Variants in NRXN1 observed in about 807,000 individuals in gnomAD.
NRXN1 encodes the protein neurexin-1.
NRXN1 carries 39 observed loss-of-function variants against 150.9 expected under a neutral mutation model. The ratio of observed to expected loss-of-function variants is 0.26; its 90% CI spans 0.20 to 0.34. NRXN1 has a LOEUF of 0.34. Ranked by LOEUF, NRXN1 falls within the 10% of genes least tolerant of loss-of-function variation. The pLI is 1.00. For synonymous variants in NRXN1, 924 were observed against 757.0 expected, an observed-to-expected ratio of 1.22 and a Z score of -3.62; for missense variants, 1,815 against 1,949.9, an observed-to-expected ratio of 0.93 and a Z score of 1.30.
chr2:50,819,286 C>G (rs1013996923), intron 5 of NRXN1, among the ~76,000 whole-genome samples: 3 of 152,114 alleles, frequency 2.0e-5, no homozygotes, highest in African/African-American at 7.2e-5. Context: ...AACCTGTGTC[C>G]ATTGACAGAT....
chr2:50,984,273 C>G (rs535917193), intron 2 of NRXN1, among the ~76,000 whole-genome samples: 7 of 151,148 alleles, frequency 4.6e-5, no homozygotes, highest in Non-Finnish European at 1.0e-4. Context: ...GCATGAGCCA[C>G]CAGAGTGTTC....
At chr2:50,086,398 A>C (rs1199528210) in intron 19 of NRXN1, among the ~76,000 whole-genome samples, 2 of 152,116 alleles carry the variant, frequency 1.3e-5, no homozygotes, top group Non-Finnish European at 2.9e-5. Context: ...TAAGGTTTAG[A>C]TCTAATACTC....
At chr2:50,735,944 T>C (rs1192633627) in intron 5 of NRXN1, among the ~76,000 whole-genome samples, 1 of 152,174 alleles carries the variant, frequency 6.6e-6, no homozygotes, top group East Asian at 1.9e-4. Flanking sequence ...TCTCAGACAT[T>C]CACTCCAAAA....
At chr2:50,656,394 T>G (rs1559082938) in intron 5 of NRXN1, 2 of 776,868 alleles carry the variant, frequency 2.6e-6, no homozygotes, top group Non-Finnish European at 4.8e-6. Flanking sequence ...GTCATGAAAG[T>G]GGTCTGAAGA....
At chr2:50,114,597 T>C (rs982517837) in intron 18 of NRXN1, among the ~76,000 whole-genome samples, 2 of 152,112 alleles carry the variant, frequency 1.3e-5, no homozygotes, top group African/African-American at 2.4e-5. Flanking sequence ...CCAAAACTTA[T>C]AGGCAACCAA....
intron 17 of NRXN1, among the ~76,000 whole-genome samples, chr2:50,431,215 T>G (rs2104369975): frequency 6.6e-6 from 1 of 152,278 alleles, no homozygotes; most frequent in South Asian, 2.1e-4. Flanking sequence ...AAGCCAGCAA[T>G]TTTTCCCAGT....
chr2:50,004,905 C>CT (rs1324533993), intron 21 of NRXN1, among the ~76,000 whole-genome samples: 1 of 152,080 alleles, frequency 6.6e-6, no homozygotes, highest in Non-Finnish European at 1.5e-5. Context: ...CATCTCATTG[C>CT]TAAAACTCTG....
intron 5 of NRXN1, among the ~76,000 whole-genome samples, chr2:50,720,792 C>T (rs1157943098): frequency 2.0e-5 from 3 of 152,116 alleles, no homozygotes; most frequent in African/African-American, 7.2e-5. Context: ...GAAAAATGCA[C>T]GGAAAGCTCC....
chr2:50,517,846 C>T (rs2092673720), intron 12 of NRXN1, among the ~76,000 whole-genome samples: 1 of 152,234 alleles, frequency 6.6e-6, no homozygotes, highest in Middle Eastern at 3.4e-3. Context: ...GAAACACCCT[C>T]CAGAGACTTT....
chr2:50,472,503 G>C, intron 15 of NRXN1, 32 bp from the exon 16 acceptor site: 10 of 1,580,238 alleles, frequency 6.3e-6, no homozygotes, highest in Non-Finnish European at 8.7e-6. Context: ...TGTTACAAAA[G>C]TACCATGTCA....
chr2:49,950,965 A>G (rs1673847051), intron 21 of NRXN1, among the ~76,000 whole-genome samples: 1 of 151,970 alleles, frequency 6.6e-6, no homozygotes, highest in Admixed American at 6.6e-5. Context: ...AAAAAGGCAG[A>G]CTTGAAAGCC....
rs113111869 is a variant in NRXN1 at position 50,967,257 on chromosome 2, A to C, written c.773-41302T>G. Among the ~76,000 whole-genome samples, 277 of 152,112 alleles carry C rather than the reference A, an allele frequency of 1.8e-3. 4 individuals are homozygous for C. Among genetic ancestry groups the C allele is most frequent in the African/African-American group, 6.5e-3 (269 of 41,546 alleles). On this transcript the variant is annotated intron_variant, in intron 2 of 22. Coordinates refer to ENST00000401669, the MANE Select transcript of NRXN1 (RefSeq NM_001330078.2). ...CACTTACATTTGAACTTAAAAGACA[A>C]TATAGATTTATATGAATTCTTTTAT...
intron 17 of NRXN1, among the ~76,000 whole-genome samples, chr2:50,376,573 A>T (rs953991023): frequency 6.6e-6 from 1 of 152,134 alleles, no homozygotes; most frequent in Admixed American, 6.6e-5. Context: ...TGTTGCTCAG[A>T]AAGGTATGAG....
intron 18 of NRXN1, among the ~76,000 whole-genome samples, chr2:50,137,755 G>A (rs553262780): frequency 4.6e-5 from 7 of 152,266 alleles, no homozygotes; most frequent in Admixed American, 4.6e-4. Flanking sequence ...GGAAGTAAAA[G>A]ATATGGTAGG....
At chr2:50,319,655 A>G (rs2152972539) in intron 17 of NRXN1, among the ~76,000 whole-genome samples, 1 of 152,178 alleles carries the variant, frequency 6.6e-6, no homozygotes. Flanking sequence ...CTGTGTGGAG[A>G]AAACTATCAG....
intron 5 of NRXN1, among the ~76,000 whole-genome samples, chr2:50,846,240 A>G (rs1340554379): frequency 6.6e-6 from 1 of 152,168 alleles, no homozygotes; most frequent in Admixed American, 6.5e-5. Context: ...AGTAAAACAT[A>G]CATGGTCTTA....
chr2:50,256,310 G>T (rs2067695521), intron 17 of NRXN1, among the ~76,000 whole-genome samples: 1 of 152,060 alleles, frequency 6.6e-6, no homozygotes, highest in Non-Finnish European at 1.5e-5. Context: ...AACATATTTA[G>T]CATTAGAACA....
chr2:50,002,828 A>C (rs1684165957), intron 21 of NRXN1, among the ~76,000 whole-genome samples: 1 of 152,102 alleles, frequency 6.6e-6, no homozygotes, highest in Non-Finnish European at 1.5e-5. Context: ...TCTTCTGTTG[A>C]CCTGAAAGTG....
At chr2:49,971,250 A>G (rs1050518088) in intron 21 of NRXN1, among the ~76,000 whole-genome samples, 8 of 152,144 alleles carry the variant, frequency 5.3e-5, no homozygotes, top group South Asian at 2.1e-4. Flanking sequence ...TACCTTATCA[A>G]TGCACCCAGA....
Sources: gnomAD v4.1 joint callset for allele counts (sites outside exome capture counted in the v4.1 genomes callset) on GRCh38, gnomAD v4.1.1 for gene constraint, MANE v1.5 for transcripts, NCBI Gene and HGNC (gene_info 2026-07-23, HGNC 2026-07-21) for gene names.